The following CASK variants were observed in gnomAD, a reference collection of about 807,000 sequenced individuals.
CASK encodes the protein calcium/calmodulin dependent serine protein kinase.
In CASK, 4 loss-of-function variants were observed where a neutral mutation model predicts 82.9. The observed-to-expected ratio is 0.05, with a 90% CI of 0.02 to 0.11. CASK has a LOEUF of 0.11. CASK is among the 10% of genes least tolerant of loss of function. The probability of loss-of-function intolerance (pLI) is 1.00; values close to 1 mark genes in which losing one functional copy is unlikely to be tolerated. For missense variants in CASK, 358 were observed against 720.9 expected, an observed-to-expected ratio of 0.50 and a Z score of 5.76; for synonymous variants, 259 against 253.5, an observed-to-expected ratio of 1.02 and a Z score of -0.20.
At chrX:41,879,541 C>A (rs1410896560) in intron 1 of CASK, among the ~76,000 whole-genome samples, 1 of 111,485 alleles carries the variant, frequency 9.0e-6, no homozygotes, top group African/African-American at 3.3e-5. Context: ...ACGTAACAAA[C>A]CATGGAAAGC....
Position 41,829,674 on chromosome X carries a change from G to T in CASK, c.172+23441C>A, listed in dbSNP as rs151052247. On this transcript the variant is annotated intron_variant, in intron 2 of 26. Coordinates refer to ENST00000378163, the MANE Select transcript of CASK (RefSeq NM_001367721.1). ...ACATTGCTGTTGGGTATATACCCAG[G>T]GATGCAAATGCTAGGTCACAAGATA... Among the ~76,000 whole-genome samples the T allele has an allele frequency of 9.5e-4, 48 of 50,508 alleles. 10 individuals carry two copies. Among genetic ancestry groups the T allele is most frequent in the African/African-American group, 3.3e-3 (44 of 13,208 alleles). 43.9% of individuals were successfully genotyped at this position (50,508 alleles called of 115,157 possible).
intron 22 of CASK, among the ~76,000 whole-genome samples, chrX:41,538,870 G>T (rs1226087744): frequency 9.0e-6 from 1 of 111,526 alleles, no homozygotes; most frequent in Non-Finnish European, 1.9e-5. Context: ...TGCCCGCAGG[G>T]GTCAGGTAGC....
chrX:41,683,674 G>A (rs1189340731), intron 5 of CASK, among the ~76,000 whole-genome samples: 1 of 111,139 alleles, frequency 9.0e-6, no homozygotes, highest in Non-Finnish European at 1.9e-5. Context: ...TTAAGTTTTG[G>A]GGGAGTCAAA....
intron 16 of CASK, among the ~76,000 whole-genome samples, chrX:41,565,246 G>A (rs986431800): frequency 9.0e-6 from 1 of 111,566 alleles, no homozygotes. Flanking sequence ...GAGCAGAACT[G>A]AAGGAGATAG....
chrX:41,786,121 T>C (rs1262446496), intron 3 of CASK, among the ~76,000 whole-genome samples: 3 of 111,652 alleles, frequency 2.7e-5, no homozygotes, highest in Non-Finnish European at 5.6e-5. Flanking sequence ...CACATTGTAG[T>C]GGAGCCTCAA....
At chrX:41,560,512 C>T (rs1407276500) in intron 17 of CASK, among the ~76,000 whole-genome samples, 1 of 107,299 alleles carries the variant, frequency 9.3e-6, no homozygotes, top group Admixed American at 9.9e-5. Context: ...GATTCACCCA[C>T]CTTGGCCTCC....
At chrX:41,885,533 T>G (rs983897611) in intron 1 of CASK, among the ~76,000 whole-genome samples, 1 of 112,395 alleles carries the variant, frequency 8.9e-6, no homozygotes, top group African/African-American at 3.2e-5. Flanking sequence ...GTGAATGTCA[T>G]ATATAAAATA....
In CASK at chrX:41,657,423, T is replaced by G. The variant is rs150043463; in HGVS notation, c.831+3016A>C. Among the ~76,000 whole-genome samples the G allele has an allele frequency of 2.1e-4, 24 of 113,016 alleles. No homozygotes were observed. In the East Asian group the frequency reaches 5.8e-3, roughly 27 times the overall value. On this transcript the variant is annotated intron_variant, in intron 8 of 26. Transcript: ENST00000378163. The stretch of plus-strand genomic sequence containing the variant: ...GAGTGGCCTCATGCTGGGAGACCTA[T>G]TCATACATTATGATGATGGACTGAA...
At chrX:41,562,452 C>A (rs1244433372) in intron 16 of CASK, 1 of 111,626 alleles carries the variant, frequency 9.0e-6, no homozygotes, top group Non-Finnish European at 1.9e-5. Context: ...TACACGTGGG[C>A]CATTTATAAA....
chrX:41,536,929 A>C (rs2147100217), intron 22 of CASK, among the ~76,000 whole-genome samples: 1 of 111,950 alleles, frequency 8.9e-6, no homozygotes, highest in South Asian at 3.8e-4. Flanking sequence ...TATTTCCATC[A>C]AGAAAAAGTA....
chrX:41,627,316 T>C (rs2066395744), intron 9 of CASK, among the ~76,000 whole-genome samples: 1 of 112,505 alleles, frequency 8.9e-6, no homozygotes, highest in African/African-American at 3.2e-5. Context: ...TTATTCCTAG[T>C]TGGAAATCAC....
At chrX:41,922,537 C>G (rs2072803063) in intron 1 of CASK, among the ~76,000 whole-genome samples, 1 of 112,252 alleles carries the variant, frequency 8.9e-6, no homozygotes, top group Admixed American at 9.4e-5. Context: ...ACCCTGGACT[C>G]TCTCACCACA....
At chrX:41,803,873 A>T (rs1173507440) in intron 2 of CASK, among the ~76,000 whole-genome samples, 2 of 81,619 alleles carry the variant, frequency 2.5e-5, no homozygotes, top group African/African-American at 3.7e-5. Flanking sequence ...CAGAAGAAAC[A>T]GCAAAAATGC....
chrX:41,622,427 T>C (rs2066300783), intron 11 of CASK, among the ~76,000 whole-genome samples, 190 bp downstream of exon 11: 1 of 112,414 alleles, frequency 8.9e-6, no homozygotes, highest in Non-Finnish European at 1.9e-5. Context: ...AACTTAATAT[T>C]GTTTGTGCAA....
At chrX:41,658,268 C>T (rs1469147826) in intron 8 of CASK, among the ~76,000 whole-genome samples, 6 of 112,074 alleles carry the variant, frequency 5.4e-5, no homozygotes, top group African/African-American at 1.9e-4. Context: ...ATTAACCAAC[C>T]CCAAAGAGGA....
At position 41,520,404 on chromosome X, in the gene CASK, A is replaced by G. The variant is rs369730218; in HGVS notation, c.*16T>C. 33 of 1,185,380 alleles carry G rather than the reference A, an allele frequency of 2.8e-5. No homozygotes were observed. The East Asian group carries it at 5.1e-4, about 18-fold the overall frequency. ...ATGAGGTGCTCCCAGTTATGCTCAG[A>G]TATCTGGGGAGAGGCCTAATAGACC... On this transcript the variant is annotated 3_prime_UTR_variant, in exon 27 of 27. Coordinates refer to ENST00000378163, the MANE Select transcript of CASK (RefSeq NM_001367721.1).
chrX:41,664,714 A>G (rs756173908), intron 7 of CASK, among the ~76,000 whole-genome samples: 2 of 112,189 alleles, frequency 1.8e-5, no homozygotes, highest in Non-Finnish European at 3.8e-5. Flanking sequence ...TGAATTTTCA[A>G]TTTTTTACTA....
intron 5 of CASK, among the ~76,000 whole-genome samples, chrX:41,709,286 T>C (rs1311771568): frequency 8.9e-6 from 1 of 111,941 alleles, no homozygotes; most frequent in Non-Finnish European, 1.9e-5. Context: ...TCTTAAAATA[T>C]CACCTTCAGA....
chrX:41,515,221 G>C lies in CASK; in HGVS notation c.*5199C>G, dbSNP rs2064527310. 1 of 112,241 alleles carries C rather than the reference G, an allele frequency of 8.9e-6. No homozygotes were observed. Among genetic ancestry groups the C allele is most frequent in the African/African-American group, 3.2e-5 (1 of 30,921 alleles). 9.2% of individuals were successfully genotyped at this position (112,241 alleles called of 1,213,427 possible). On this transcript the variant is annotated 3_prime_UTR_variant, in exon 27 of 27. Transcript: ENST00000378163. ...GTAAATAGATACACACAGAGAGAAA[G>C]AAAAGCAGGACATTTACAAAGAATC...
Sources: allele counts gnomAD v4.1 joint callset (sites outside exome capture counted in the v4.1 genomes callset), GRCh38; gene constraint gnomAD v4.1.1; transcripts MANE v1.5; gene names NCBI Gene and HGNC (gene_info 2026-07-23, HGNC 2026-07-21).